The following TM7SF3 variants were observed in gnomAD, a reference collection of about 807,000 sequenced individuals.
TM7SF3 encodes transmembrane 7 superfamily member 3, also known as seven span transmembrane protein.
A neutral mutation model predicts 65.5 loss-of-function variants in TM7SF3; 60 were observed. The ratio of observed to expected loss-of-function variants is 0.92; its 90% CI spans 0.74 to 1.14. TM7SF3 has a LOEUF of 1.14. TM7SF3 is among the 50% of genes most tolerant of loss of function. The pLI is 0.00. For missense variants in TM7SF3, 623 were observed against 684.8 expected (o/e 0.91, Z 1.01); for synonymous variants, 264 against 259.6 (o/e 1.02, Z -0.16).
chr12:27,013,509 T>G (rs1479718052), intron 1 of TM7SF3, among the ~76,000 whole-genome samples: 2 of 152,242 alleles, frequency 1.3e-5, no homozygotes, highest in African/African-American at 4.8e-5. Context: ...TTATTTCTCA[T>G]TGTGAGTATG....
chr12:27,000,307 T>C lies in TM7SF3; in HGVS notation c.247-631A>G, dbSNP rs13377972. Among the ~76,000 whole-genome samples the C allele has an allele frequency of 2.3e-3, 355 of 152,344 alleles. 4 individuals are homozygous for C. Among genetic ancestry groups the C allele is most frequent in the African/African-American group, 7.7e-3 (320 of 41,570 alleles). On this transcript the variant is annotated intron_variant, in intron 2 of 11. Coordinates refer to ENST00000343028, the MANE Select transcript of TM7SF3 (RefSeq NM_016551.3). ...TGAAATTCCCAAGTGTTTCAATTAA[T>C]TTGAATTAAGATTTACTATGTCAAA...
At chr12:26,993,036 T>A (rs1198792979) in intron 5 of TM7SF3, among the ~76,000 whole-genome samples, 2 of 150,772 alleles carry the variant, frequency 1.3e-5, no homozygotes, top group Non-Finnish European at 3.0e-5. Context: ...CTCCTCAATA[T>A]CTGGGACTAC....
chr12:27,002,452 T>G (rs954052195), intron 2 of TM7SF3, among the ~76,000 whole-genome samples: 3 of 151,986 alleles, frequency 2.0e-5, no homozygotes, highest in Non-Finnish European at 2.9e-5. Flanking sequence ...AAATAAAAAT[T>G]TTAAAAATTT....
At chr12:27,007,423 ATTTC>A (rs1293465443) in intron 1 of TM7SF3, among the ~76,000 whole-genome samples, 2 of 152,014 alleles carry the variant, frequency 1.3e-5, no homozygotes, top group Non-Finnish European at 2.9e-5. Flanking sequence ...TTCATTACAC[ATTTC>A]TTTATTTCTT....
At chr12:26,984,449 CA>C (rs61259350) in intron 6 of TM7SF3, among the ~76,000 whole-genome samples, 5,699 of 141,534 alleles carry the variant, frequency 0.04, 163 homozygotes, top group Non-Finnish European at 0.059. Flanking sequence ...AAACGAAAAA[CA>C]AAAAAAAAAA....
intron 3 of TM7SF3, among the ~76,000 whole-genome samples, chr12:26,997,512 C>CCAA (rs1379057883): frequency 1.3e-5 from 2 of 152,162 alleles, no homozygotes; most frequent in East Asian, 3.8e-4. Flanking sequence ...CTGTCCTTGA[C>CCAA]GCAAGCCTTA....
Position 27,003,246 on chromosome 12 carries a change from G to C in TM7SF3, c.236C>G (p.Ser79Cys). Residue 79 changes from serine to cysteine, a missense_variant, in exon 2 of 12, where the codon TCC becomes TGC. By Grantham distance (112) the Ser-to-Cys change is moderately radical. Transcript: ENST00000343028. ...ATTCTTTGCACTTACCGGAGAAAAG[G>C]AAACAGTTGTATTCTGATACTGTGA... Reference protein sequence around the residue: ...IHSQYQNTTVSFSPTLLSNSS... With the variant: ...IHSQYQNTTVCFSPTLLSNSS... 6.2e-7 allele frequency: 1 copy of C among 1,603,534 alleles called. No homozygotes were observed. Among genetic ancestry groups the C allele is most frequent in the Non-Finnish European group, 8.5e-7 (1 of 1,175,842 alleles).
intron 2 of TM7SF3, 58 bp from the exon 3 acceptor site, chr12:26,999,734 G>A (rs1024107532): frequency 2.2e-5 from 35 of 1,581,504 alleles, no homozygotes; most frequent in Middle Eastern, 1.7e-4. Flanking sequence ...ATAAATTACT[G>A]AGCTGATCCA....
chr12:26,983,449 C>T (rs1044136749), intron 6 of TM7SF3: 38 of 395,502 alleles, frequency 9.6e-5, no homozygotes, highest in Admixed American at 2.6e-4. Context: ...GTTAATGACA[C>T]GGTGGTTCTA....
Position 26,996,728 on chromosome 12 carries a change from G to A in TM7SF3, c.518+14C>T. On this transcript the variant is annotated intron_variant, in intron 4 of 11. Transcript: ENST00000343028. Reference sequence around the variant, plus strand: ...ATTCTAAAAGCATTTCTCAGACATGGGAGACAGACGTACCTCGCATAGCCT... The same window carrying A: ...ATTCTAAAAGCATTTCTCAGACATGAGAGACAGACGTACCTCGCATAGCCT... The A allele has an allele frequency of 6.2e-7, 1 of 1,603,028 alleles. No homozygotes were observed.
intron 7 of TM7SF3, among the ~76,000 whole-genome samples, chr12:26,981,599 A>G (rs556773877): frequency 6.6e-6 from 1 of 152,226 alleles, no homozygotes; most frequent in South Asian, 2.1e-4. Flanking sequence ...ACATGTTGAG[A>G]TATTATATAT....
chr12:27,007,452 A>G (rs1941082741), intron 1 of TM7SF3, among the ~76,000 whole-genome samples: 1 of 151,886 alleles, frequency 6.6e-6, no homozygotes, highest in Non-Finnish European at 1.5e-5. Context: ...TTCTATAGTG[A>G]CCATAAGGTG....
chr12:26,988,924 C>T (rs1479515470), intron 6 of TM7SF3, among the ~76,000 whole-genome samples: 2 of 152,118 alleles, frequency 1.3e-5, no homozygotes, highest in Non-Finnish European at 2.9e-5. Flanking sequence ...AGATGAAGGC[C>T]TTTATGATGA....
At position 26,980,659 on chromosome 12, in the gene TM7SF3, C is replaced by T; in HGVS notation, c.956-13G>A. On this transcript the variant is annotated splice_polypyrimidine_tract_variant and intron_variant, in intron 7 of 11. Coordinates refer to ENST00000343028, the MANE Select transcript of TM7SF3 (RefSeq NM_016551.3). ...ATGAAGAATAATTCTAAGTGGCAAA[C>T]CACCAGGAAAGGAAAAAAGCAAAAC... The T allele has an allele frequency of 6.8e-7, 1 of 1,477,876 alleles. No individual in the cohort carries two copies. Among genetic ancestry groups the T allele is most frequent in the East Asian group, 2.3e-5 (1 of 42,740 alleles). The allele number at this position is 1,477,876 out of a possible 1,614,324, so 91.5% of individuals were successfully genotyped here. A position where few individuals can be genotyped will look rare whatever the true frequency, so the allele number is the denominator to read the frequency against.
intron 1 of TM7SF3, 116 bp from the exon 2 acceptor site, chr12:27,003,506 T>C (rs756843030): frequency 7.2e-5 from 68 of 949,162 alleles, no homozygotes; most frequent in Non-Finnish European, 1.0e-4. Flanking sequence ...GAGGTAAATA[T>C]GGTTATTGCT....
At chr12:27,002,439 A>T (rs1021092128) in intron 2 of TM7SF3, among the ~76,000 whole-genome samples, 14 of 152,326 alleles carry the variant, frequency 9.2e-5, no homozygotes, top group Non-Finnish European at 1.8e-4. Context: ...TCTCTAAAAA[A>T]AAAAATAAAA....
Position 26,975,660 on chromosome 12 carries a change from TGTGGAAGA to T in TM7SF3, c.1288-10_1288-3del. On this transcript the variant is annotated splice_polypyrimidine_tract_variant and splice_region_variant and intron_variant, in intron 10 of 11. Coordinates refer to ENST00000343028, the MANE Select transcript of TM7SF3 (RefSeq NM_016551.3). Reference sequence around the variant, plus strand: ...GACTCCACAAGTCAGTATGTTCAGCTGTGGAAGAGTGGAAGAGTTTAGGCATCATCCAT... The same window carrying T: ...GACTCCACAAGTCAGTATGTTCAGCTGTGGAAGAGTTTAGGCATCATCCAT... 2 of 1,597,226 alleles carry T rather than the reference TGTGGAAGA, an allele frequency of 1.3e-6. No homozygotes were observed. The highest frequency in any genetic ancestry group is 1.7e-6 in the Non-Finnish European group (2 of 1,175,290).
At position 26,995,164 on chromosome 12, in the gene TM7SF3, G is replaced by A. The variant is rs1940536648; in HGVS notation, c.690+73C>T. 8 of 1,435,516 alleles carry A rather than the reference G, an allele frequency of 5.6e-6. No homozygotes were observed. The Admixed American group carries it at 1.5e-4, about 27-fold the overall frequency. 88.9% of individuals were successfully genotyped at this position (1,435,516 alleles called of 1,614,324 possible). A position where few individuals can be genotyped will look rare whatever the true frequency, so the allele number is the denominator to read the frequency against. The stretch of plus-strand genomic sequence containing the variant: ...AAAAGAGTAAAGAAATAAGATCCTG[G>A]TAGCTTCTCCCCTTCTCAACTCTGA... On this transcript the variant is annotated intron_variant, in intron 5 of 11. Transcript: ENST00000343028.
At chr12:27,010,517 A>C (rs1293110056) in intron 1 of TM7SF3, among the ~76,000 whole-genome samples, 1 of 152,246 alleles carries the variant, frequency 6.6e-6, no homozygotes, top group African/African-American at 2.4e-5. Flanking sequence ...ATAAAAACAG[A>C]TTTAGCAAAA....
Sources: gnomAD v4.1 joint callset for allele counts (sites outside exome capture counted in the v4.1 genomes callset) on GRCh38, gnomAD v4.1.1 for gene constraint, MANE v1.5 for transcripts, NCBI Gene and HGNC (gene_info 2026-07-23, HGNC 2026-07-21) for gene names.